STT3A: variants seen among roughly 807,000 people sequenced by gnomAD.
STT3A encodes dolichyl-diphosphooligosaccharide--protein glycosyltransferase subunit STT3A.
STT3A carries 34 observed loss-of-function variants against 89.2 expected under a neutral mutation model. The ratio of observed to expected loss-of-function variants is 0.38; its 90% confidence interval spans 0.29 to 0.51. The LOEUF is 0.51. Ranked by LOEUF, STT3A falls within the 20% of genes least tolerant of loss-of-function variation. The probability of loss-of-function intolerance (pLI) is 0.89; values close to 1 mark genes in which losing one functional copy is unlikely to be tolerated. For missense variants in STT3A, 555 were observed against 889.5 expected, an observed-to-expected ratio of 0.62 and a Z score of 4.78; for synonymous variants, 282 against 310.3, an observed-to-expected ratio of 0.91 and a Z score of 0.96.
intron 3 of STT3A, among the ~76,000 whole-genome samples, chr11:125,599,416 C>G (rs1939605666): frequency 6.6e-6 from 1 of 152,070 alleles, no homozygotes; most frequent in South Asian, 2.1e-4. Flanking sequence ...TTTTGTCTGT[C>G]TTCCTTTTTT....
intron 5 of STT3A, 76 bp from the exon 6 acceptor site, chr11:125,604,081 A>G (rs1939766514): frequency 6.8e-7 from 1 of 1,468,250 alleles, no homozygotes; most frequent in Admixed American, 1.8e-5. Flanking sequence ...TTATAAACAG[A>G]ATGGACTAGT....
chr11:125,620,533 A>T (rs953757263), intron 17 of STT3A, among the ~76,000 whole-genome samples: 1 of 152,240 alleles, frequency 6.6e-6, no homozygotes, highest in Non-Finnish European at 1.5e-5. Context: ...ATATAAGAAA[A>T]GATTGAGAAC....
intron 7 of STT3A, 90 bp downstream of exon 7, chr11:125,605,825 G>T (rs760562309): frequency 1.8e-6 from 2 of 1,125,632 alleles, no homozygotes; most frequent in South Asian, 1.5e-5. Context: ...TTTCTTTTCT[G>T]GTAGGTTCCC....
intron 12 of STT3A, 24 bp from the exon 13 acceptor site, chr11:125,612,964 CA>C (rs1372847149): frequency 6.2e-7 from 1 of 1,611,868 alleles, no homozygotes; most frequent in East Asian, 2.2e-5. Context: ...GTTAACTACA[CA>C]ATTAATTCTT....
intron 8 of STT3A, among the ~76,000 whole-genome samples, chr11:125,607,372 A>G (rs536908204): frequency 2.6e-5 from 4 of 152,378 alleles, no homozygotes; most frequent in African/African-American, 9.6e-5. Context: ...GCATTTGTAT[A>G]TGCAGTTTGC....
intron 3 of STT3A, 82 bp from the exon 4 acceptor site, chr11:125,602,221 A>C: frequency 2.0e-6 from 3 of 1,487,754 alleles, no homozygotes; most frequent in Non-Finnish European, 2.7e-6. Flanking sequence ...TTTTTCATTG[A>C]GTAATGCTGA....
At chr11:125,602,554 C>G in intron 4 of STT3A, 130 bp downstream of exon 4, 1 of 1,216,218 alleles carries the variant, frequency 8.2e-7, no homozygotes, top group Non-Finnish European at 1.1e-6. Flanking sequence ...TTACAGGTTC[C>G]TAAAAGTGCA....
At chr11:125,597,997 A>G (rs192284590) in intron 3 of STT3A, among the ~76,000 whole-genome samples, 82 of 152,322 alleles carry the variant, frequency 5.4e-4, no homozygotes, top group Admixed American at 9.8e-4. Flanking sequence ...GCAGATCACA[A>G]GGTCAGGAGT....
intron 2 of STT3A, among the ~76,000 whole-genome samples, chr11:125,596,464 C>CA (rs200155024): frequency 6.6e-6 from 1 of 151,660 alleles, no homozygotes; most frequent in Non-Finnish European, 1.5e-5. Flanking sequence ...GACTCTGTCT[C>CA]AAAAAAAAGA....
Position 125,602,900 on chromosome 11 carries a change from C to T in STT3A, c.369C>T (p.Phe123=). The change falls in exon 5 of 18, where the codon TTC becomes TTT. Residue 123 remains phenylalanine (F), a synonymous_variant. Coordinates refer to ENST00000392708, the MANE Select transcript of STT3A (RefSeq NM_152713.5). ...TCTGTGTGTTCCTGGCCCCTCTCTTCTCCTCCTTCACCACCATCGTCACGT... is the reference window on the plus strand; with the variant it reads ...TCTGTGTGTTCCTGGCCCCTCTCTTTTCCTCCTTCACCACCATCGTCACGT... The part of the protein sequence containing the change: ...RNVCVFLAPL[F]SSFTTIVTYH... 3 of 1,614,166 alleles carry T rather than the reference C, an allele frequency of 1.9e-6. No individual in the cohort carries two copies. In the South Asian group the frequency reaches 3.3e-5, roughly 18 times the overall value.
chr11:125,602,425 G>C lies in STT3A; in HGVS notation c.271+1G>C. 1.3e-6 allele frequency: 2 copies of C among 1,593,132 alleles called. No individual in the cohort carries two copies. Among genetic ancestry groups the C allele is most frequent in the Non-Finnish European group, 1.7e-6 (2 of 1,173,574 alleles). ...ATCATTGGAGGAACAATTTACCCAG[G>C]TGAGGAGACCAGATGTGTTTTTTTT... On this transcript the variant is annotated splice_donor_variant, in intron 4 of 17. Transcript: ENST00000392708. LOFTEE classifies it high-confidence loss of function.
intron 6 of STT3A, among the ~76,000 whole-genome samples, chr11:125,605,043 G>C (rs747619632): frequency 6.6e-6 from 1 of 152,078 alleles, no homozygotes; most frequent in East Asian, 1.9e-4. Context: ...TTGAGGCTGC[G>C]GTGAGCTGTG....
chr11:125,612,783 CTG>C lies in STT3A; in HGVS notation c.1365+50_1365+51del, dbSNP rs368068379. The C allele has an allele frequency of 2.7e-3, 4,012 of 1,481,938 alleles. No individual in the cohort carries two copies. Among genetic ancestry groups the C allele is most frequent in the South Asian group, 4.1e-3 (332 of 81,786 alleles). 91.8% of individuals were successfully genotyped at this position (1,481,938 alleles called of 1,614,324 possible). Reference sequence around the variant, plus strand: ...ATGTTAAGAGTAGACTTGGGAAACTCTGTGTGTGTGTGTGTATGTGTGTATGT... The same window carrying C: ...ATGTTAAGAGTAGACTTGGGAAACTCTGTGTGTGTGTGTATGTGTGTATGT... On this transcript the variant is annotated intron_variant, in intron 12 of 17. Transcript: ENST00000392708.
At position 125,609,599 on chromosome 11, in the gene STT3A, C is replaced by T; in HGVS notation, c.1117+10C>T. 4 of 1,603,878 alleles carry T rather than the reference C, an allele frequency of 2.5e-6. No homozygotes were observed. The highest frequency in any genetic ancestry group is 3.4e-6 in the Non-Finnish European group (4 of 1,176,712). The stretch of plus-strand genomic sequence containing the variant: ...GTCTTCATGTTTCCAGGTATGTGGC[C>T]TCGTGTTCTGAAATGGCCTTGTTCA... On this transcript the variant is annotated intron_variant, in intron 10 of 17. Coordinates refer to ENST00000392708, the MANE Select transcript of STT3A (RefSeq NM_152713.5).
At chr11:125,607,408 T>A (rs2135927969) in intron 8 of STT3A, among the ~76,000 whole-genome samples, 1 of 152,286 alleles carries the variant, frequency 6.6e-6, no homozygotes, top group Non-Finnish European at 1.5e-5. Flanking sequence ...GTAAAAAGAA[T>A]AAAAATGCGG....
At chr11:125,616,700 C>T (rs1316295623) in intron 15 of STT3A, among the ~76,000 whole-genome samples, 2 of 152,148 alleles carry the variant, frequency 1.3e-5, no homozygotes, top group African/African-American at 4.8e-5. Context: ...GTTTTTGAGA[C>T]AGAGTTTCAC....
rs10082591 is a variant in STT3A at position 125,595,690 on chromosome 11, C to T, written c.-35-191C>T. ...CTCCATTTTAGTCTTGACACATAGA[C>T]CTGACTTGTGCCTACTTCCTTGCAA... On this transcript the variant is annotated intron_variant, in intron 1 of 17. Transcript: ENST00000392708. Among the ~76,000 whole-genome samples the T allele has an allele frequency of 0.023, 3,535 of 152,248 alleles. 126 individuals are homozygous for T. The highest frequency in any genetic ancestry group is 0.077 in the African/African-American group (3,215 of 41,544).
rs1465479954 is a variant in STT3A at position 125,605,150 on chromosome 11, C to G, written c.509-479C>G. On this transcript the variant is annotated intron_variant, in intron 6 of 17. Transcript: ENST00000392708. Reference sequence around the variant, plus strand: ...TTATTTTTTTAAGAAAAAAAAAAAGCAGACTGGAGAATCAAGGAAGGCTTT... The same window carrying G: ...TTATTTTTTTAAGAAAAAAAAAAAGGAGACTGGAGAATCAAGGAAGGCTTT... Among the ~76,000 whole-genome samples the G allele has an allele frequency of 3.4e-5, 5 of 146,526 alleles. No individual in the cohort carries two copies. The East Asian group carries it at 8.0e-4, about 24-fold the overall frequency.
chr11:125,598,241 A>C (rs1478000281), intron 3 of STT3A, among the ~76,000 whole-genome samples: 1 of 152,028 alleles, frequency 6.6e-6, no homozygotes, highest in African/African-American at 2.4e-5. Context: ...AAAAGAAATG[A>C]GGAGACTCAG....
Sources: allele counts gnomAD v4.1 joint callset (sites outside exome capture counted in the v4.1 genomes callset), GRCh38; gene constraint gnomAD v4.1.1; transcripts MANE v1.5; gene names NCBI Gene and HGNC (gene_info 2026-07-23, HGNC 2026-07-21).